DIPK1C: variants seen among roughly 807,000 people sequenced by gnomAD.
DIPK1C encodes the protein divergent protein kinase domain 1C.
Under a neutral mutation model 28.0 loss-of-function variants are expected in DIPK1C, and 33 were observed. That is an observed-to-expected ratio of 1.18 (90% CI 0.89 to 1.58). The LOEUF is 1.58. Among genes scored for constraint, DIPK1C ranks in the 40% most tolerant of loss-of-function variants. DIPK1C has a pLI of 0.00. For synonymous variants in DIPK1C, 255 were observed against 248.8 expected, an observed-to-expected ratio of 1.02 and a Z score of -0.23; for missense variants, 569 against 568.5, an observed-to-expected ratio of 1.00 and a Z score of -0.01.
chr18:74,458,294 A>T (rs901310082), upstream of DIPK1C, among the ~76,000 whole-genome samples: 8 of 152,168 alleles, frequency 5.3e-5, no homozygotes, highest in Admixed American at 6.5e-5. Context: ...ACAAAAGCTT[A>T]TTCAGTGCCC....
chr18:74,442,540 A>T (rs541557248), intron 2 of DIPK1C, among the ~76,000 whole-genome samples: 8 of 152,292 alleles, frequency 5.3e-5, no homozygotes, highest in East Asian at 1.9e-4. Flanking sequence ...CGTGTTAGCC[A>T]GGATGGTCTC....
At chr18:74,460,059 A>C (rs1172908803), upstream of DIPK1C, among the ~76,000 whole-genome samples, 1 of 152,170 alleles carries the variant, frequency 6.6e-6, no homozygotes, top group Non-Finnish European at 1.5e-5. Context: ...ATTTGGGCTG[A>C]GATGGCCAGG....
In DIPK1C at chr18:74,457,170, C is replaced by G. The variant is rs1008045637; in HGVS notation, c.90G>C (p.Ala30=). The part of the protein sequence containing the change: ...CGRGTLLAFA[A]WTAGWVLAAA... ...CCGCCAGCACCCAGCCCGCGGTCCACGCGGCGAAGGCGAGGAGCGTGCCCC... is the reference window on the plus strand; with the variant it reads ...CCGCCAGCACCCAGCCCGCGGTCCAGGCGGCGAAGGCGAGGAGCGTGCCCC... The change falls in exon 1 of 4, where the codon GCG becomes GCC. Residue 30 remains alanine, a synonymous_variant. Coordinates refer to ENST00000343998, the MANE Select transcript of DIPK1C (RefSeq NM_001044369.3). 1 of 1,371,972 alleles carries G rather than the reference C, an allele frequency of 7.3e-7. No homozygotes were observed. Among genetic ancestry groups the G allele is most frequent in the Non-Finnish European group, 9.4e-7 (1 of 1,065,882 alleles). 85.0% of individuals were successfully genotyped at this position (1,371,972 alleles called of 1,614,324 possible).
At chr18:74,441,776 G>A (rs748128863) in intron 3 of DIPK1C, among the ~76,000 whole-genome samples, 176 bp downstream of exon 3, 2 of 152,088 alleles carry the variant, frequency 1.3e-5, no homozygotes, top group Admixed American at 6.5e-5. Flanking sequence ...CTGGGGGCAG[G>A]CAACCAAGAG....
At chr18:74,437,006 T>C (rs994759746) in intron 3 of DIPK1C, among the ~76,000 whole-genome samples, 1 of 151,592 alleles carries the variant, frequency 6.6e-6, no homozygotes. Flanking sequence ...AAGTTCTGGG[T>C]GACACTGTAA....
rs371788036 is a variant in DIPK1C, at chr18:74,447,010, C to T, written c.472G>A (p.Ala158Thr). 474 of 1,539,726 alleles carry T rather than the reference C, an allele frequency of 3.1e-4. No homozygotes were observed. Among genetic ancestry groups the T allele is most frequent in the Non-Finnish European group, 3.4e-4 (390 of 1,139,770 alleles). Residue 158 changes from alanine to threonine, a missense_variant, in exon 2 of 4, where the codon GCT becomes ACT. Ala to Thr is a moderately conservative substitution (Grantham distance 58, BLOSUM62 0). Transcript: ENST00000343998. This position sits in a 1 kb window ranked among gnomAD's most constrained non-coding sequence, Gnocchi z 4.1. ...LLMVAGEVKSALGLELSNSSL... is the reference protein window; with the variant it reads ...LLMVAGEVKSTLGLELSNSSL... ...CTGTTGGACAACTCCAGGCCCAGAG[C>T]GCTCTTGACCTCCCCAGCCACCATC...
chr18:74,463,300 G>T, the DIPK1C span, among the ~76,000 whole-genome samples: 1 of 152,200 alleles, frequency 6.6e-6, no homozygotes, highest in African/African-American at 2.4e-5. Context: ...GTTTTGCGAT[G>T]CTTTTGTTGT....
intron 2 of DIPK1C, among the ~76,000 whole-genome samples, chr18:74,442,540 A>G (rs541557248): frequency 2.6e-5 from 4 of 152,178 alleles, no homozygotes; most frequent in Non-Finnish European, 4.4e-5. Flanking sequence ...CGTGTTAGCC[A>G]GGATGGTCTC....
intron 2 of DIPK1C, among the ~76,000 whole-genome samples, chr18:74,445,315 C>G (rs897194722): frequency 6.6e-6 from 1 of 152,162 alleles, no homozygotes; most frequent in African/African-American, 2.4e-5. Flanking sequence ...GCTGCCAGCC[C>G]AGCACACAGA....
At chr18:74,460,619 C>T (rs1028473213), upstream of DIPK1C, among the ~76,000 whole-genome samples, 1 of 152,178 alleles carries the variant, frequency 6.6e-6, no homozygotes, top group Non-Finnish European at 1.5e-5. Context: ...TCCTGGCCTC[C>T]GCCGCTCTGG....
chr18:74,441,117 C>A (rs573625992), intron 3 of DIPK1C, among the ~76,000 whole-genome samples: 1 of 152,172 alleles, frequency 6.6e-6, no homozygotes, highest in Non-Finnish European at 1.5e-5. Context: ...ACCTTACCTG[C>A]GTTTTGGGTC....
upstream of DIPK1C, among the ~76,000 whole-genome samples, chr18:74,458,379 T>G (rs539110199): frequency 6.6e-6 from 1 of 152,258 alleles, no homozygotes; most frequent in African/African-American, 2.4e-5. Context: ...GTTCCCGAGT[T>G]TAGAGATAAT....
chr18:74,445,280 G>A (rs557265429), intron 2 of DIPK1C, among the ~76,000 whole-genome samples: 1 of 152,276 alleles, frequency 6.6e-6, no homozygotes, highest in Non-Finnish European at 1.5e-5. Context: ...TCAGGGAATT[G>A]CAGACGCGGG....
chr18:74,436,628 G>T lies in DIPK1C; in HGVS notation c.1133C>A (p.Ala378Glu). ...CCCAGGGTCTGCACATTCCTGCACC[G>T]CCTCCTGTAACTGCAGCTGAAGCTG... ...SFQLQLQLQE[A>E]VQECADPGVP... Residue 378 changes from alanine to glutamate, a missense_variant, in exon 4 of 4, where the codon GCG becomes GAG. By Grantham distance (107) the Ala-to-Glu change is moderately radical (BLOSUM62 -1). Coordinates refer to ENST00000343998, the MANE Select transcript of DIPK1C (RefSeq NM_001044369.3). 1.9e-6 allele frequency: 3 copies of T among 1,613,742 alleles called. No homozygotes were observed. The highest frequency in any genetic ancestry group is 2.5e-6 in the Non-Finnish European group (3 of 1,179,996).
intron 2 of DIPK1C, among the ~76,000 whole-genome samples, chr18:74,443,538 G>A (rs1265263935): frequency 1.3e-5 from 2 of 152,194 alleles, no homozygotes; most frequent in Non-Finnish European, 2.9e-5. Flanking sequence ...ATGCTAGAAG[G>A]CAATGAAGTT....
chr18:74,457,006 G>C (rs1986528653), intron 1 of DIPK1C, 56 bp downstream of exon 1: 2 of 1,362,284 alleles, frequency 1.5e-6, no homozygotes, highest in South Asian at 3.3e-5. Context: ...CCGGGAGCGG[G>C]TGTGATCCCC....
intron 2 of DIPK1C, 118 bp from the exon 3 acceptor site, chr18:74,442,234 C>T (rs1986145542): frequency 1.7e-6 from 2 of 1,176,530 alleles, no homozygotes; most frequent in Non-Finnish European, 1.2e-6. Flanking sequence ...CACAGGTGAT[C>T]CCAGAAGTCC....
intron 2 of DIPK1C, among the ~76,000 whole-genome samples, chr18:74,442,519 CG>C (rs1366045111): frequency 3.3e-5 from 5 of 152,046 alleles, no homozygotes; most frequent in South Asian, 2.1e-4. Flanking sequence ...TTAGTAGAGA[CG>C]GGGTTTCACC....
At chr18:74,457,024 G>C in intron 1 of DIPK1C, 38 bp downstream of exon 1, 1 of 1,385,758 alleles carries the variant, frequency 7.2e-7, no homozygotes, top group Non-Finnish European at 9.3e-7. Context: ...CCCCCTCCCC[G>C]GACGCGCGGC....
Sources: allele counts gnomAD v4.1 joint callset (sites outside exome capture counted in the v4.1 genomes callset), GRCh38; gene constraint gnomAD v4.1.1; non-coding constraint Gnocchi (gnomAD v3.1); transcripts MANE v1.5; gene names NCBI Gene and HGNC (gene_info 2026-07-23, HGNC 2026-07-21).